CNTN5: variants seen among roughly 807,000 people sequenced by gnomAD.
CNTN5 encodes the protein contactin 5.
A neutral mutation model predicts 129.1 loss-of-function variants in CNTN5; 77 were observed. The observed-to-expected ratio is 0.60, with a 90% CI of 0.50 to 0.72. CNTN5 has a LOEUF of 0.72. CNTN5 is among the 30% of genes least tolerant of loss of function. The probability of loss-of-function intolerance (pLI) is 0.00; values close to 1 mark genes in which losing one functional copy is unlikely to be tolerated. For missense variants in CNTN5, 1,478 were observed against 1,328.8 expected (o/e 1.11, Z -1.75); for synonymous variants, 509 against 465.6 (o/e 1.09, Z -1.20).
At chr11:100,342,059 C>T (rs1246047919) in intron 23 of CNTN5, among the ~76,000 whole-genome samples, 3 of 151,350 alleles carry the variant, frequency 2.0e-5, no homozygotes, top group African/African-American at 7.3e-5. Context: ...GAGCTAAAAA[C>T]TGAAGAAGTT....
chr11:99,839,790 A>G (rs529130808), intron 4 of CNTN5, among the ~76,000 whole-genome samples: 7 of 152,228 alleles, frequency 4.6e-5, no homozygotes, highest in East Asian at 1.9e-4. Flanking sequence ...ACCTAATTAG[A>G]TAGTAATACA....
At chr11:99,468,732 CT>C (rs113029746) in intron 2 of CNTN5, among the ~76,000 whole-genome samples, 8,960 of 131,390 alleles carry the variant, frequency 0.068, 251 homozygotes, top group South Asian at 0.096. Flanking sequence ...TTGTTAGAAA[CT>C]TTTTTTTTTT....
intron 17 of CNTN5, among the ~76,000 whole-genome samples, chr11:100,259,215 G>C: frequency 6.6e-6 from 1 of 152,126 alleles, no homozygotes; most frequent in East Asian, 1.9e-4. Flanking sequence ...TTACATAATG[G>C]TAAAGGGATC....
intron 3 of CNTN5, among the ~76,000 whole-genome samples, chr11:99,774,637 G>A (rs2119580): frequency 0.019 from 2,815 of 152,022 alleles, 87 homozygotes; most frequent in African/African-American, 0.063. Flanking sequence ...AGACTTGAAG[G>A]CAGTTCTCGG....
In CNTN5 at chr11:100,201,167, T is replaced by C. The variant is rs114788306; in HGVS notation, c.1884+7504T>C. Among the ~76,000 whole-genome samples the C allele has an allele frequency of 7.5e-3, 1,136 of 152,046 alleles. 8 individuals carry two copies. The highest frequency in any genetic ancestry group is 0.023 in the African/African-American group (959 of 41,516). Reference sequence around the variant, plus strand: ...TTATTAAACCAAATTCTCACCTAACTCCAAGTTACTTTTGACAATGACTTA... The same window carrying C: ...TTATTAAACCAAATTCTCACCTAACCCCAAGTTACTTTTGACAATGACTTA... On this transcript the variant is annotated intron_variant, in intron 15 of 24. Transcript: ENST00000524871.
chr11:99,376,353 G>C (rs145640785), intron 2 of CNTN5, among the ~76,000 whole-genome samples: 1 of 152,244 alleles, frequency 6.6e-6, no homozygotes, highest in East Asian at 1.9e-4. Context: ...CATGATGAAG[G>C]TGAGATCTGT....
intron 1 of CNTN5, among the ~76,000 whole-genome samples, chr11:99,274,334 G>A (rs902009534): frequency 3.3e-5 from 5 of 151,654 alleles, no homozygotes; most frequent in African/African-American, 1.2e-4. Context: ...TGAAATATGT[G>A]TTAACATTCT....
chr11:99,200,854 C>G (rs1859136660), intron 1 of CNTN5, among the ~76,000 whole-genome samples: 1 of 152,082 alleles, frequency 6.6e-6, no homozygotes. Flanking sequence ...CTTGGATTGG[C>G]TTGCCTTCCT....
At chr11:100,042,660 C>A (rs973175012) in intron 9 of CNTN5, among the ~76,000 whole-genome samples, 1 of 152,124 alleles carries the variant, frequency 6.6e-6, no homozygotes, top group African/African-American at 2.4e-5. Flanking sequence ...TCAACAATGG[C>A]CAAAGTTCAT....
At chr11:99,310,402 C>T (rs755102663) in intron 1 of CNTN5, among the ~76,000 whole-genome samples, 6 of 151,598 alleles carry the variant, frequency 4.0e-5, no homozygotes, top group Admixed American at 1.3e-4. Flanking sequence ...AAACTTGATG[C>T]GTGATAAATT....
chr11:99,041,728 G>A (rs944639522), intron 1 of CNTN5, among the ~76,000 whole-genome samples: 1 of 152,150 alleles, frequency 6.6e-6, no homozygotes, highest in East Asian at 1.9e-4. Context: ...AGGTGTCAGT[G>A]ATAGTTTATG....
chr11:99,118,791 G>A (rs988243085), intron 1 of CNTN5, among the ~76,000 whole-genome samples: 1 of 151,800 alleles, frequency 6.6e-6, no homozygotes, highest in African/African-American at 2.4e-5. Context: ...TCACTGGCAT[G>A]TAACCTAAAT....
chr11:99,891,947 A>G (rs1385439086), intron 6 of CNTN5, among the ~76,000 whole-genome samples: 2 of 152,208 alleles, frequency 1.3e-5, no homozygotes, highest in Non-Finnish European at 2.9e-5. Context: ...ACTCCCAACA[A>G]CAGTGTAAAA....
intron 18 of CNTN5, among the ~76,000 whole-genome samples, chr11:100,273,151 C>T (rs1289240125): frequency 6.6e-6 from 1 of 152,078 alleles, no homozygotes; most frequent in Non-Finnish European, 1.5e-5. Context: ...GCAGGGCGCC[C>T]TCGGGAGCCT....
Position 100,341,151 on chromosome 11 carries a change from G to A in CNTN5, c.2976G>A (p.Leu992=), listed in dbSNP as rs1431034812. Reference sequence around the variant, plus strand: ...AGCAGCAAGGCTCTCAGGTTTCTCTGGGCTGGGAACCCGTCATACCATTAG... The same window carrying A: ...AGCAGCAAGGCTCTCAGGTTTCTCTAGGCTGGGAACCCGTCATACCATTAG... ...RWEQQGSQVS[L]GWEPVIPLAN... is the part of the protein sequence containing the mutation. The change falls in exon 23 of 25, where the codon CTG becomes CTA. Residue 992 remains leucine, a synonymous_variant. Transcript: ENST00000524871. The A allele has an allele frequency of 6.2e-7, 1 of 1,613,728 alleles. No individual in the cohort carries two copies. Among genetic ancestry groups the A allele is most frequent in the Non-Finnish European group, 8.5e-7 (1 of 1,179,818 alleles).
intron 2 of CNTN5, among the ~76,000 whole-genome samples, chr11:99,519,104 A>G (rs1276873658): frequency 6.6e-6 from 1 of 152,036 alleles, no homozygotes; most frequent in Non-Finnish European, 1.5e-5. Context: ...CAACTTCACT[A>G]GGCTCTGCCT....
intron 3 of CNTN5, among the ~76,000 whole-genome samples, chr11:99,772,532 C>G (rs1944981511): frequency 6.6e-6 from 1 of 151,962 alleles, no homozygotes; most frequent in African/African-American, 2.4e-5. Flanking sequence ...AATGTGTACC[C>G]TTCCTGTTTC....
At chr11:99,192,531 G>A (rs1858695470) in intron 1 of CNTN5, among the ~76,000 whole-genome samples, 1 of 151,598 alleles carries the variant, frequency 6.6e-6, no homozygotes, top group African/African-American at 2.4e-5. Context: ...AAATATATTT[G>A]AATAACATTA....
At position 99,225,988 on chromosome 11, in the gene CNTN5, G is replaced by C. The variant is rs145131380; in HGVS notation, c.-209-99358G>C. Among the ~76,000 whole-genome samples, 1,112 of 152,168 alleles carry C rather than the reference G, an allele frequency of 7.3e-3. 15 individuals are homozygous for C. Among genetic ancestry groups the C allele is most frequent in the African/African-American group, 0.025 (1,056 of 41,530 alleles). The stretch of plus-strand genomic sequence containing the variant: ...AAAAAGACCACTTAGTGCTAGAGTT[G>C]ATAATCATTTTACTAAGGTACATAA... On this transcript the variant is annotated intron_variant, in intron 1 of 24. Coordinates refer to ENST00000524871, the MANE Select transcript of CNTN5 (RefSeq NM_014361.4).
Sources: allele counts gnomAD v4.1 joint callset (sites outside exome capture counted in the v4.1 genomes callset), GRCh38; gene constraint gnomAD v4.1.1; transcripts MANE v1.5; gene names NCBI Gene and HGNC (gene_info 2026-07-23, HGNC 2026-07-21).